TPSG1: variants seen among roughly 807,000 people sequenced by gnomAD.
The protein encoded by TPSG1 is tryptase gamma.
TPSG1 carries 43 observed loss-of-function variants against 23.8 expected under a neutral mutation model. That is an observed-to-expected ratio of 1.81 (90% confidence interval 1.42 to 2.33). The LOEUF (loss-of-function observed/expected upper bound fraction) is 2.33. Ranked by LOEUF, TPSG1 falls within the 30% of genes most tolerant of loss-of-function variation. The pLI, the probability that TPSG1 is intolerant of heterozygous loss-of-function variation, is 0.00. For synonymous variants in TPSG1, 302 were observed against 201.3 expected, an observed-to-expected ratio of 1.50 and a Z score of -4.23; for missense variants, 623 against 438.6, an observed-to-expected ratio of 1.42 and a Z score of -3.75.
chr16:1,223,783 C>T (rs768088534), intron 2 of TPSG1, 189 bp from the exon 3 acceptor site: 15 of 645,078 alleles, frequency 2.3e-5, no homozygotes, highest in Admixed American at 1.1e-4. Context: ...GCAGTGAGCG[C>T]GCCTGGGGCT....
At chr16:1,224,793 C>T (rs1213402330) in intron 1 of TPSG1, 165 bp from the exon 2 acceptor site, 2 of 830,088 alleles carry the variant, frequency 2.4e-6, no homozygotes, top group Non-Finnish European at 3.8e-6. Flanking sequence ...CTCACTGGCC[C>T]AGGGCTGGGT....
rs775393068 is a variant in TPSG1, at chr16:1,221,957, C to T, written c.797G>A (p.Arg266His). 20 of 1,611,816 alleles carry T rather than the reference C, an allele frequency of 1.2e-5. No individual in the cohort carries two copies. Among genetic ancestry groups the T allele is most frequent in the Middle Eastern group, 1.6e-4 (1 of 6,080 alleles). The part of the protein sequence containing the change: ...TRVPAYVNWI[R>H]RHITASGGSE... Reference sequence around the variant, plus strand: ...GCCCCCTGATGCTGTGATGTGGCGGCGGATCCAGTTCACGTAGGCAGGGAC... The same window carrying T: ...GCCCCCTGATGCTGTGATGTGGCGGTGGATCCAGTTCACGTAGGCAGGGAC... Residue 266 changes from arginine (R) to histidine (H), a missense_variant, in exon 6 of 6, where the codon CGC (arginine) becomes CAC (histidine). Arg to His is a conservative substitution (Grantham distance 29). Transcript: ENST00000234798.
intron 2 of TPSG1, chr16:1,224,006 C>A: frequency 4.5e-6 from 1 of 222,722 alleles, no homozygotes; most frequent in Non-Finnish European, 8.6e-6. Context: ...ATTCGGGGGG[C>A]GGGGGGCAGA....
Position 1,221,762 on chromosome 16 carries a change from T to C in TPSG1, c.*26A>G, listed in dbSNP as rs750955464. On this transcript the variant is annotated 3_prime_UTR_variant, in exon 6 of 6. Coordinates refer to ENST00000234798, the MANE Select transcript of TPSG1 (RefSeq NM_012467.4). ...GGAGCGGAATAAATAGTAACTTATT[T>C]AAGAAATGCACTTGGATTCCTGCCA... 46 of 1,575,956 alleles carry C rather than the reference T, an allele frequency of 2.9e-5. No homozygotes were observed. The highest frequency in any genetic ancestry group is 3.7e-5 in the Non-Finnish European group (43 of 1,160,054).
intron 1 of TPSG1, 190 bp from the exon 2 acceptor site, chr16:1,224,818 G>T: frequency 1.5e-6 from 1 of 684,580 alleles, no homozygotes; most frequent in Non-Finnish European, 2.5e-6. Context: ...CAAGCCACAG[G>T]CCATAAACGG....
rs752412029 is a variant in TPSG1, at chr16:1,222,330, G to T, written c.523C>A (p.Pro175Thr). 2 of 1,599,530 alleles carry T rather than the reference G, an allele frequency of 1.3e-6. No homozygotes were observed. The highest frequency in any genetic ancestry group is 1.7e-6 in the Non-Finnish European group (2 of 1,171,762). Residue 175 changes from proline (P) to threonine (T), a missense_variant, in exon 5 of 6, where the codon CCC becomes ACC. By Grantham distance (38) the Pro-to-Thr change is conservative. Coordinates refer to ENST00000234798, the MANE Select transcript of TPSG1 (RefSeq NM_012467.4). ...GYTREGEPLP[P>T]PYSLREVKVS... ...TTCACCTCCCGCAGGCTGTACGGGG[G>T]TGGCAGAGGCTCTGGGGTGGGGGGA...
chr16:1,224,545 C>T, intron 2 of TPSG1, 57 bp downstream of exon 2: 2 of 1,610,824 alleles, frequency 1.2e-6, no homozygotes, highest in South Asian at 1.1e-5. Context: ...CACCGAGGCC[C>T]TCCTGCCAGG....
chr16:1,221,780 T>G lies in TPSG1; in HGVS notation c.*8A>C. On this transcript the variant is annotated 3_prime_UTR_variant, in exon 6 of 6. Transcript: ENST00000234798. Reference sequence around the variant, plus strand: ...ACTTATTTAAGAAATGCACTTGGATTCCTGCCATCAGTCAGGGGCGGGGAA... The same window carrying G: ...ACTTATTTAAGAAATGCACTTGGATGCCTGCCATCAGTCAGGGGCGGGGAA... 2 of 1,591,754 alleles carry G rather than the reference T, an allele frequency of 1.3e-6. No homozygotes were observed. Among genetic ancestry groups the G allele is most frequent in the Non-Finnish European group, 1.7e-6 (2 of 1,167,702 alleles).
chr16:1,223,295 T>G, intron 3 of TPSG1, 128 bp downstream of exon 3: 4 of 1,233,838 alleles, frequency 3.2e-6, no homozygotes, highest in Non-Finnish European at 3.3e-6. Context: ...TCCCTTTCCA[T>G]TGGAAGGAAG....
chr16:1,225,207 CGG>C lies in TPSG1; in HGVS notation c.44_45del (p.Pro15ArgfsTer137). On this transcript the variant is annotated frameshift_variant and splice_region_variant, in exon 1 of 6. Transcript: ENST00000234798. LOFTEE classifies it high-confidence loss of function. ...ACGLLLLLAVPGVSLRTLQPG... is the reference protein window; with the variant it reads ...ACGLLLLLAVXGVSLRTLQPG... ...CCCACACCCAGGCCAGGTCACCCAC[CGG>C]GCACAGCCAGGAGCAGCAGGAGGCC... The C allele has an allele frequency of 6.3e-7, 1 of 1,576,184 alleles. No individual in the cohort carries two copies. The highest frequency in any genetic ancestry group is 1.2e-5 in the South Asian group (1 of 85,756).
intron 5 of TPSG1, 50 bp from the exon 6 acceptor site, chr16:1,222,146 T>C: frequency 6.2e-7 from 1 of 1,611,634 alleles, no homozygotes; most frequent in Non-Finnish European, 8.5e-7. Flanking sequence ...GGGGAGCCCC[T>C]CCCTGGGCTT....
intron 2 of TPSG1, 143 bp from the exon 3 acceptor site, chr16:1,223,737 A>G: frequency 2.0e-6 from 2 of 1,010,030 alleles, no homozygotes; most frequent in African/African-American, 3.4e-5. Flanking sequence ...CTCTCCCCAG[A>G]AGCATCGTGG....
rs1186614952 is a variant in TPSG1 at position 1,225,187 on chromosome 16, AC to A, written c.46+19del. ...GAAGCAGATGCCCCCCCATCCCCAC[AC>A]CCAGGCCAGGTCACCCACCGGGCAC... On this transcript the variant is annotated intron_variant, in intron 1 of 5. Coordinates refer to ENST00000234798, the MANE Select transcript of TPSG1 (RefSeq NM_012467.4). 3 of 1,565,582 alleles carry A rather than the reference AC, an allele frequency of 1.9e-6. No individual in the cohort carries two copies. Among genetic ancestry groups the A allele is most frequent in the Non-Finnish European group, 2.6e-6 (3 of 1,155,440 alleles).
At position 1,222,388 on chromosome 16, in the gene TPSG1, C is replaced by T. The variant is rs1280891933; in HGVS notation, c.512-47G>A. The T allele has an allele frequency of 4.0e-6, 6 of 1,511,688 alleles. No homozygotes were observed. In the East Asian group the frequency reaches 6.8e-5, roughly 17 times the overall value. 93.6% of individuals were successfully genotyped at this position (1,511,688 alleles called of 1,614,324 possible). The stretch of plus-strand genomic sequence containing the variant: ...TCAGAGAAGGTTGGGGCACCAGGCC[C>T]TGCACTGGGGGGATGGGAGACCTTG... On this transcript the variant is annotated intron_variant, in intron 4 of 5. Transcript: ENST00000234798.
chr16:1,223,006 T>G (rs2029903682), intron 3 of TPSG1, 89 bp from the exon 4 acceptor site: 1 of 1,420,308 alleles, frequency 7.0e-7, no homozygotes, highest in African/African-American at 1.4e-5. Context: ...CTTGCAGGCA[T>G]CCGAAGCCCA....
At position 1,221,800 on chromosome 16, in the gene TPSG1, G is replaced by T. The variant is rs776236213; in HGVS notation, c.954C>A (p.Pro318=). The change falls in exon 6 of 6, where the codon CCC becomes CCA. Residue 318 remains proline (P), a synonymous_variant. Transcript: ENST00000234798. ...TGGATTCCTGCCATCAGTCAGGGGC[G>T]GGGAAGGGAGTACCATCCGCAGATG... The part of the protein sequence containing the change: ...LHPSADGTPF[P]APD 6.2e-7 allele frequency: 1 copy of T among 1,604,612 alleles called. No homozygotes were observed. The highest frequency in any genetic ancestry group is 8.5e-7 in the Non-Finnish European group (1 of 1,174,576).
chr16:1,224,722 TG>T, intron 1 of TPSG1, 94 bp from the exon 2 acceptor site: 1 of 1,528,700 alleles, frequency 6.5e-7, no homozygotes, highest in Non-Finnish European at 9.0e-7. Context: ...AGGGCGGCAC[TG>T]GGGTGGGGCC....
chr16:1,224,348 G>T (rs1253192152), intron 2 of TPSG1, among the ~76,000 whole-genome samples: 1 of 152,114 alleles, frequency 6.6e-6, no homozygotes, highest in Non-Finnish European at 1.5e-5. Flanking sequence ...AAAGTTCGAG[G>T]AGGGCCAGGT....
At position 1,222,306 on chromosome 16, in the gene TPSG1, T is replaced by G. The variant is rs200519816; in HGVS notation, c.547A>C (p.Lys183Gln). ...LPPPYSLREV[K>Q]VSVVDTETCR... ...GTCTCTGTGTCCACCACGGAGACTTTCACCTCCCGCAGGCTGTACGGGGGT... is the reference window on the plus strand; with the variant it reads ...GTCTCTGTGTCCACCACGGAGACTTGCACCTCCCGCAGGCTGTACGGGGGT... The change falls in exon 5 of 6, where the codon AAA (lysine) becomes CAA (glutamine). Residue 183 changes from lysine (K) to glutamine (Q), a missense_variant. Physicochemically the swap from Lys to Gln is moderately conservative, Grantham distance 53. Coordinates refer to ENST00000234798, the MANE Select transcript of TPSG1 (RefSeq NM_012467.4). 1.2e-6 allele frequency: 2 copies of G among 1,610,004 alleles called. No individual in the cohort carries two copies. The highest frequency in any genetic ancestry group is 1.7e-6 in the Non-Finnish European group (2 of 1,178,768).
Sources: allele counts gnomAD v4.1 joint callset (sites outside exome capture counted in the v4.1 genomes callset), GRCh38; gene constraint gnomAD v4.1.1; transcripts MANE v1.5; gene names NCBI Gene and HGNC (gene_info 2026-07-23, HGNC 2026-07-21).